SLC39A11: variants seen among roughly 807,000 people sequenced by gnomAD.
SLC39A11 encodes zinc transporter ZIP11.
A neutral mutation model predicts 36.1 loss-of-function variants in SLC39A11; 33 were observed. The ratio of observed to expected loss-of-function variants is 0.91; its 90% CI spans 0.69 to 1.22. The LOEUF (loss-of-function observed/expected upper bound fraction) is 1.22, where lower values mean the gene tolerates loss of function less well. Ranked by LOEUF, SLC39A11 falls within the 50% of genes most tolerant of loss-of-function variation. SLC39A11 has a pLI of 0.00. For missense variants in SLC39A11, 432 were observed against 430.3 expected, an observed-to-expected ratio of 1.00 and a Z score of -0.03; for synonymous variants, 166 against 170.3, an observed-to-expected ratio of 0.97 and a Z score of 0.20.
intron 5 of SLC39A11, among the ~76,000 whole-genome samples, chr17:72,915,581 G>A (rs1293038169): frequency 6.7e-6 from 1 of 148,686 alleles, no homozygotes; most frequent in Non-Finnish European, 1.5e-5. Context: ...ATACAAGTGA[G>A]ACATCCCACT....
At chr17:72,742,181 C>T (rs900058008) in intron 6 of SLC39A11, among the ~76,000 whole-genome samples, 13 of 142,416 alleles carry the variant, frequency 9.1e-5, no homozygotes, top group African/African-American at 2.4e-4. Context: ...CCAGCCTGGG[C>T]GACAGTGTGA....
intron 3 of SLC39A11, among the ~76,000 whole-genome samples, chr17:73,042,079 A>G (rs748490675): frequency 7.2e-5 from 11 of 152,198 alleles, no homozygotes; most frequent in Non-Finnish European, 5.9e-5. Flanking sequence ...GTAAGTGTTC[A>G]TTTTGAAGGA....
At chr17:72,922,835 G>A (rs1020952585) in intron 5 of SLC39A11, among the ~76,000 whole-genome samples, 9 of 151,670 alleles carry the variant, frequency 5.9e-5, no homozygotes, top group African/African-American at 1.7e-4. Context: ...AGGTGTGGTG[G>A]TGCACACCTG....
At chr17:72,656,088 T>A (rs781380012) in intron 7 of SLC39A11, among the ~76,000 whole-genome samples, 46 of 152,032 alleles carry the variant, frequency 3.0e-4, no homozygotes, top group Non-Finnish European at 5.9e-4. Flanking sequence ...ATTCCCTCCC[T>A]CCTTTACGCT....
At chr17:73,070,999 T>C (rs1219227465) in intron 3 of SLC39A11, among the ~76,000 whole-genome samples, 2 of 152,078 alleles carry the variant, frequency 1.3e-5, no homozygotes, top group Admixed American at 1.3e-4. Flanking sequence ...TATCCTAGGG[T>C]CCCTCCACCC....
intron 6 of SLC39A11, among the ~76,000 whole-genome samples, chr17:72,831,929 A>G (rs865806627): frequency 1.3e-5 from 2 of 152,234 alleles, no homozygotes; most frequent in Admixed American, 6.5e-5. Context: ...CCATTCTTAA[A>G]GACGCCGATA....
At chr17:72,793,922 G>A (rs1331103938) in intron 6 of SLC39A11, among the ~76,000 whole-genome samples, 1 of 151,322 alleles carries the variant, frequency 6.6e-6, no homozygotes, top group Admixed American at 6.6e-5. Context: ...GGTTACAAAT[G>A]ACACAGCTGA....
At chr17:72,660,573 T>C (rs2070364704) in intron 7 of SLC39A11, among the ~76,000 whole-genome samples, 1 of 152,070 alleles carries the variant, frequency 6.6e-6, no homozygotes, top group Non-Finnish European at 1.5e-5. Context: ...CATCGAACCA[T>C]ATGGAGATAG....
intron 4 of SLC39A11, among the ~76,000 whole-genome samples, chr17:73,008,438 C>T (rs1339304203): frequency 6.6e-6 from 1 of 152,360 alleles, no homozygotes; most frequent in East Asian, 1.9e-4. Context: ...CCCGTGCCGA[C>T]TGCCCAAGTG....
At chr17:73,043,409 G>A (rs2143591937) in intron 3 of SLC39A11, among the ~76,000 whole-genome samples, 1 of 152,268 alleles carries the variant, frequency 6.6e-6, no homozygotes, top group African/African-American at 2.4e-5. Flanking sequence ...AAATCAACCT[G>A]GAGTTTTCAA....
chr17:72,903,093 C>T (rs976110140), intron 5 of SLC39A11, among the ~76,000 whole-genome samples: 3 of 151,936 alleles, frequency 2.0e-5, no homozygotes, highest in Non-Finnish European at 4.4e-5. Context: ...GATGAAACCC[C>T]GTCTCTACCA....
intron 3 of SLC39A11, among the ~76,000 whole-genome samples, chr17:73,038,074 A>ATT (rs2058981589): frequency 6.6e-6 from 1 of 151,974 alleles, no homozygotes; most frequent in Non-Finnish European, 1.5e-5. Flanking sequence ...AAACACAAAA[A>ATT]TTAGCCAGAC....
intron 6 of SLC39A11, among the ~76,000 whole-genome samples, chr17:72,830,367 A>T (rs2078227759): frequency 6.6e-6 from 1 of 152,032 alleles, no homozygotes; most frequent in Non-Finnish European, 1.5e-5. Flanking sequence ...CAGAATTAAG[A>T]GGAAGGTAGC....
At chr17:72,731,276 C>T (rs567412975) in intron 7 of SLC39A11, among the ~76,000 whole-genome samples, 14 of 152,258 alleles carry the variant, frequency 9.2e-5, no homozygotes, top group African/African-American at 2.6e-4. Flanking sequence ...GTTGAACTGT[C>T]GTTTCTGTGT....
intron 7 of SLC39A11, among the ~76,000 whole-genome samples, chr17:72,661,742 C>T (rs1245769928): frequency 1.3e-5 from 2 of 152,172 alleles, no homozygotes; most frequent in African/African-American, 4.8e-5. Flanking sequence ...TCTTCCCCCA[C>T]CCTCTTGGTG....
At chr17:72,719,483 A>C (rs1361310465) in intron 7 of SLC39A11, among the ~76,000 whole-genome samples, 2 of 152,200 alleles carry the variant, frequency 1.3e-5, no homozygotes, top group Non-Finnish European at 2.9e-5. Flanking sequence ...GCCCCCCAGA[A>C]CTAAACCGCA....
intron 3 of SLC39A11, among the ~76,000 whole-genome samples, chr17:73,081,669 A>ATATATGTATATATGTATG (rs1331925940): frequency 1.1e-3 from 89 of 80,742 alleles, no homozygotes; most frequent in African/African-American, 2.2e-3. Flanking sequence ...ACACACACAC[A>ATATATGTATATATGTATG]CATATATATA....
intron 6 of SLC39A11, among the ~76,000 whole-genome samples, chr17:72,804,985 C>CA (rs1422907962): frequency 6.6e-6 from 1 of 152,110 alleles, no homozygotes; most frequent in Admixed American, 6.5e-5. Context: ...CACTGCACTC[C>CA]AGCCTGGTGA....
At chr17:72,907,827 A>G (rs1016116623) in intron 5 of SLC39A11, among the ~76,000 whole-genome samples, 8 of 152,216 alleles carry the variant, frequency 5.3e-5, no homozygotes, top group African/African-American at 1.9e-4. Context: ...GTCTGCACCC[A>G]TATCCCACGC....
Sources: allele counts gnomAD v4.1 joint callset (sites outside exome capture counted in the v4.1 genomes callset), GRCh38; gene constraint gnomAD v4.1.1; transcripts MANE v1.5; gene names NCBI Gene and HGNC (gene_info 2026-07-23, HGNC 2026-07-21).